Variants in PRICKLE2 observed in about 807,000 individuals in gnomAD.
The protein encoded by PRICKLE2 is prickle planar cell polarity protein 2.
In PRICKLE2, 21 loss-of-function variants were observed where a neutral mutation model predicts 81.4. The ratio of observed to expected loss-of-function variants is 0.26; its 90% CI spans 0.18 to 0.37. The LOEUF (loss-of-function observed/expected upper bound fraction) is 0.37. Ranked by LOEUF, PRICKLE2 falls within the 10% of genes least tolerant of loss-of-function variation. PRICKLE2 has a pLI of 1.00. For synonymous variants in PRICKLE2, 456 were observed against 421.5 expected, an observed-to-expected ratio of 1.08 and a Z score of -1.00; for missense variants, 940 against 1,109.0, an observed-to-expected ratio of 0.85 and a Z score of 2.16.
At chr3:64,170,469 C>T (rs1040579722) in intron 2 of PRICKLE2, among the ~76,000 whole-genome samples, 2 of 152,094 alleles carry the variant, frequency 1.3e-5, no homozygotes, top group Non-Finnish European at 2.9e-5. Context: ...ACTTCTGGAC[C>T]CGGCTTTCAC....
chr3:64,165,985 TG>T (rs2077824449), intron 2 of PRICKLE2, among the ~76,000 whole-genome samples: 1 of 30,762 alleles, frequency 3.3e-5, no homozygotes. Flanking sequence ...TGTGTGTGTG[TG>T]TGTGTGTGTG....
rs1468352015 is a variant in PRICKLE2 at position 64,225,423 on chromosome 3, C to T, written c.-554G>A. On this transcript the variant is annotated 5_prime_UTR_variant, in exon 1 of 8. Coordinates refer to ENST00000638394, the MANE Select transcript of PRICKLE2 (RefSeq NM_198859.4). ...GCTTGGTCAAAAAATAATAATAACT[C>T]TCGGTGGCGCTGCTGGTGGTGCCTG... 5 of 985,272 alleles carry T rather than the reference C, an allele frequency of 5.1e-6. No homozygotes were observed. Among genetic ancestry groups the T allele is most frequent in the Non-Finnish European group, 6.0e-6 (5 of 829,988 alleles). 61.0% of individuals were successfully genotyped at this position (985,272 alleles called of 1,614,324 possible). A position where few individuals can be genotyped will look rare whatever the true frequency, so the allele number is the denominator to read the frequency against.
At chr3:64,152,952 C>A (rs1044500812) in intron 6 of PRICKLE2, among the ~76,000 whole-genome samples, 4 of 152,116 alleles carry the variant, frequency 2.6e-5, no homozygotes, top group Non-Finnish European at 5.9e-5. Flanking sequence ...GCAAATTAAG[C>A]TGAGATACAG....
chr3:64,207,566 A>G (rs1209358120), intron 1 of PRICKLE2, among the ~76,000 whole-genome samples: 1 of 152,172 alleles, frequency 6.6e-6, no homozygotes, highest in Non-Finnish European at 1.5e-5. Context: ...CTCAGCAAAT[A>G]GATGTGCATT....
chr3:64,178,981 TTCTTTCTTTCTTTCTTTC>T (rs1559559414), intron 2 of PRICKLE2, among the ~76,000 whole-genome samples: 1 of 131,512 alleles, frequency 7.6e-6, no homozygotes, highest in African/African-American at 3.0e-5. Context: ...CTTTCTTTCT[TTCTTTCTTTCTTTCTTTC>T]TTTCTTTCTT....
Position 64,198,800 on chromosome 3 carries a change from C to A in PRICKLE2, c.128G>T (p.Gly43Val), listed in dbSNP as rs1255876229. ...ALEEYAWVPP[G>V]LKPEQVHQYY... ...GAATGGTACCTGTTCAGGCTTCAGA[C>A]CCGGCGGGACCCAGGCATACTCTTC... Residue 43 changes from glycine (G) to valine (V), a missense_variant, in exon 2 of 8, where the codon GGT becomes GTT. Physicochemically the swap from Gly to Val is moderately radical, Grantham distance 109. Around this residue, in one of 2 missense-constraint regions of PRICKLE2, gnomAD observed 270 missense variants for 391.8 expected, o/e 0.69. Transcript: ENST00000638394. 1 of 1,614,048 alleles carries A rather than the reference C, an allele frequency of 6.2e-7. No individual in the cohort carries two copies. Among genetic ancestry groups the A allele is most frequent in the African/African-American group, 1.3e-5 (1 of 74,904 alleles).
chr3:64,143,196 G>A (rs2077390508), intron 7 of PRICKLE2, among the ~76,000 whole-genome samples: 1 of 152,168 alleles, frequency 6.6e-6, no homozygotes, highest in Admixed American at 6.5e-5. Context: ...TCAGGCCATT[G>A]CTGTTGAGTA....
intron 7 of PRICKLE2, among the ~76,000 whole-genome samples, chr3:64,111,205 A>C (rs1272027432): frequency 6.6e-6 from 1 of 152,232 alleles, no homozygotes; most frequent in East Asian, 1.9e-4. Context: ...TAAAACACAA[A>C]GTACTTAGAA....
intron 7 of PRICKLE2, among the ~76,000 whole-genome samples, chr3:64,113,610 C>CT (rs2076885732): frequency 6.6e-6 from 1 of 152,148 alleles, no homozygotes; most frequent in Admixed American, 6.5e-5. Context: ...ATAGGTTTTG[C>CT]TTTCCTTGCC....
intron 2 of PRICKLE2, among the ~76,000 whole-genome samples, chr3:64,266,802 C>T (rs1327755502): frequency 6.6e-6 from 1 of 152,124 alleles, no homozygotes; most frequent in Non-Finnish European, 1.5e-5. Flanking sequence ...ACCTAAACAA[C>T]TGCAAATAAA....
At chr3:64,202,750 GTC>G (rs972774697) in intron 1 of PRICKLE2, among the ~76,000 whole-genome samples, 4 of 151,632 alleles carry the variant, frequency 2.6e-5, no homozygotes, top group African/African-American at 9.7e-5. Flanking sequence ...TTAATCTGAT[GTC>G]TTTTATTTCT....
chr3:64,249,292 T>C (rs938750489), intron 2 of PRICKLE2, among the ~76,000 whole-genome samples: 2 of 152,108 alleles, frequency 1.3e-5, no homozygotes, highest in Admixed American at 1.3e-4. Flanking sequence ...TCATATCTCA[T>C]GAGAACTCAC....
At chr3:64,262,637 T>C (rs1389451152) in intron 2 of PRICKLE2, among the ~76,000 whole-genome samples, 4 of 150,142 alleles carry the variant, frequency 2.7e-5, no homozygotes, top group East Asian at 2.0e-4. Context: ...AAAAAAAAAT[T>C]AGAAGAGGAG....
At chr3:64,165,765 T>C (rs1015501269) in intron 2 of PRICKLE2, among the ~76,000 whole-genome samples, 9 of 152,208 alleles carry the variant, frequency 5.9e-5, no homozygotes, top group Non-Finnish European at 1.0e-4. Context: ...TGCCTTGGCC[T>C]TCCAAAGTGC....
At chr3:64,104,300 T>A (rs1445773301) in intron 7 of PRICKLE2, among the ~76,000 whole-genome samples, 1 of 152,148 alleles carries the variant, frequency 6.6e-6, no homozygotes, top group Admixed American at 6.5e-5. Context: ...GTGGTTTGAG[T>A]GGATGAACTC....
chr3:64,265,310 T>C (rs551867815), intron 2 of PRICKLE2, among the ~76,000 whole-genome samples: 261 of 152,286 alleles, frequency 1.7e-3, no homozygotes, highest in African/African-American at 6.0e-3. Flanking sequence ...TCAATACAAT[T>C]TCCATAAAGT....
intron 2 of PRICKLE2, among the ~76,000 whole-genome samples, chr3:64,258,777 TCA>T (rs773708128): frequency 0.35 from 47,562 of 136,902 alleles, 9,176 homozygotes; most frequent in Admixed American, 0.46. Context: ...TGAGCCGAGA[TCA>T]TGCCACTGCA....
intron 1 of PRICKLE2, among the ~76,000 whole-genome samples, chr3:64,201,310 A>G (rs996956178): frequency 5.9e-5 from 9 of 152,172 alleles, no homozygotes; most frequent in African/African-American, 2.2e-4. Flanking sequence ...CATTTTGAGG[A>G]ACTCCCAAAT....
In PRICKLE2 at chr3:64,157,373, G is replaced by A. The variant is rs762192312; in HGVS notation, c.397-8C>T. On this transcript the variant is annotated splice_polypyrimidine_tract_variant and splice_region_variant and intron_variant, in intron 4 of 7. Coordinates refer to ENST00000638394, the MANE Select transcript of PRICKLE2 (RefSeq NM_198859.4). ...ATTGATCTGGCCTCCGCACTGTGAG[G>A]CAAACAGAAACATCAGTAGTCACAC... The A allele has an allele frequency of 1.9e-6, 3 of 1,612,492 alleles. No individual in the cohort carries two copies. The highest frequency in any genetic ancestry group is 2.2e-5 in the South Asian group (2 of 91,000).
Sources: allele counts gnomAD v4.1 joint callset (sites outside exome capture counted in the v4.1 genomes callset), GRCh38; gene constraint gnomAD v4.1.1; regional missense constraint gnomAD v4.1.1; transcripts MANE v1.5; gene names NCBI Gene and HGNC (gene_info 2026-07-23, HGNC 2026-07-21).